Variants in FGF14 observed in about 807,000 individuals in gnomAD.
FGF14 encodes the protein fibroblast growth factor homologous factor 4.
A neutral mutation model predicts 25.5 loss-of-function variants in FGF14; 5 were observed. That is an observed-to-expected ratio of 0.20 (90% CI 0.10 to 0.41). FGF14 has a LOEUF of 0.41. FGF14 is among the 10% of genes least tolerant of loss of function. The pLI is 1.00. For missense variants in FGF14, 222 were observed against 320.1 expected (o/e 0.69, Z 2.34); for synonymous variants, 138 against 118.3 (o/e 1.17, Z -1.08).
intron 1 of FGF14, among the ~76,000 whole-genome samples, chr13:102,128,926 T>C (rs184451001): frequency 2.5e-3 from 386 of 152,080 alleles, no homozygotes; most frequent in Non-Finnish European, 4.5e-3. Context: ...CTACCAAAAA[T>C]ACAAAAATTA....
intron 1 of FGF14, among the ~76,000 whole-genome samples, chr13:102,085,256 G>A (rs905830526): frequency 1.7e-4 from 26 of 152,086 alleles, no homozygotes; most frequent in Admixed American, 1.2e-3. Context: ...GGGGGAGGGG[G>A]AGGAAGGAAG....
intron 1 of FGF14, among the ~76,000 whole-genome samples, chr13:101,971,297 G>A (rs1361131126): frequency 6.6e-6 from 1 of 152,100 alleles, no homozygotes; most frequent in Non-Finnish European, 1.5e-5. Flanking sequence ...GGGAAAAAGT[G>A]GGGATGGGAG....
rs1442638825 is a variant in FGF14 at position 101,912,160 on chromosome 13, T to C, written c.193+4293A>G. On this transcript the variant is annotated intron_variant, in intron 1 of 4. Coordinates refer to ENST00000376143, the MANE Select transcript of FGF14 (RefSeq NM_004115.4). ...ACTGGAGCAAAGCAGTTTATTTCTA[T>C]AGGTGTACATGCATTTCTGCTTTTT... is the stretch of plus-strand genomic sequence containing the variant. 1.4e-4 allele frequency among the ~76,000 whole-genome samples: 21 copies of C among 152,164 alleles called. 1 individual carries two copies. The highest frequency in any genetic ancestry group is 4.3e-4 in the African/African-American group (18 of 41,462).
intron 1 of FGF14, among the ~76,000 whole-genome samples, chr13:101,967,332 C>A (rs1209888734): frequency 6.6e-6 from 1 of 152,130 alleles, no homozygotes; most frequent in African/African-American, 2.4e-5. Context: ...ATTAAGAGAA[C>A]CACTGTCCTA....
chr13:102,143,042 C>G (rs1275046093), intron 1 of FGF14, among the ~76,000 whole-genome samples: 1 of 152,186 alleles, frequency 6.6e-6, no homozygotes, highest in Admixed American at 6.5e-5. Context: ...CTGATGCCAA[C>G]TTGAGATTCC....
chr13:101,987,753 GT>G (rs991554716), intron 1 of FGF14, among the ~76,000 whole-genome samples: 6 of 151,958 alleles, frequency 3.9e-5, no homozygotes, highest in Admixed American at 2.0e-4. Flanking sequence ...TATATAATAT[GT>G]TTTTTTAAGA....
chr13:102,321,050 G>C (rs2056223945), intron 1 of FGF14, among the ~76,000 whole-genome samples: 1 of 152,142 alleles, frequency 6.6e-6, no homozygotes. Flanking sequence ...AAAAATATTG[G>C]AATGTCTGAT....
chr13:102,281,008 A>G (rs1424791172), intron 1 of FGF14, among the ~76,000 whole-genome samples: 2 of 152,204 alleles, frequency 1.3e-5, no homozygotes, highest in African/African-American at 2.4e-5. Context: ...GTGCTTTCCA[A>G]CGTGCTTGGA....
At chr13:101,873,918 AAG>A (rs940549058) in intron 2 of FGF14, among the ~76,000 whole-genome samples, 40 of 152,212 alleles carry the variant, frequency 2.6e-4, no homozygotes, top group South Asian at 1.5e-3. Context: ...AAAAATAAAA[AAG>A]AGTGATATGA....
chr13:101,891,592 T>C (rs1353285877), intron 1 of FGF14, among the ~76,000 whole-genome samples: 1 of 152,184 alleles, frequency 6.6e-6, no homozygotes, highest in African/African-American at 2.4e-5. Context: ...TAAACATTAA[T>C]TGACATCATC....
chr13:102,389,622 C>T (rs1595034540), intron 1 of FGF14, among the ~76,000 whole-genome samples: 1 of 152,226 alleles, frequency 6.6e-6, no homozygotes, highest in East Asian at 1.9e-4. Flanking sequence ...TGTTTCCTGA[C>T]CAGGATAATA....
chr13:102,205,699 A>G (rs1238092695), intron 1 of FGF14, among the ~76,000 whole-genome samples: 1 of 151,424 alleles, frequency 6.6e-6, no homozygotes, highest in Non-Finnish European at 1.5e-5. Context: ...GAAACATGAA[A>G]GCATTTTGCC....
intron 1 of FGF14, among the ~76,000 whole-genome samples, chr13:102,062,045 A>G (rs1023401919): frequency 2.0e-5 from 3 of 152,240 alleles, no homozygotes; most frequent in Non-Finnish European, 4.4e-5. Flanking sequence ...TCACTCCACA[A>G]GGTTTATGGT....
At chr13:101,904,169 G>A (rs1043597068) in intron 1 of FGF14, among the ~76,000 whole-genome samples, 3 of 152,188 alleles carry the variant, frequency 2.0e-5, no homozygotes, top group Admixed American at 6.5e-5. Context: ...ACCTGCCCAA[G>A]TTTTCCAGCC....
intron 3 of FGF14, among the ~76,000 whole-genome samples, chr13:101,852,753 A>G (rs561592483): frequency 6.6e-6 from 1 of 152,202 alleles, no homozygotes; most frequent in Non-Finnish European, 1.5e-5. Context: ...ACAAGGACCC[A>G]TGATACCAGA....
At chr13:101,749,306 C>T (rs931457306) in intron 3 of FGF14, among the ~76,000 whole-genome samples, 3 of 151,966 alleles carry the variant, frequency 2.0e-5, no homozygotes, top group African/African-American at 4.8e-5. Flanking sequence ...GTGGTACATC[C>T]ATACCATGGA....
rs1263752749 is a variant in FGF14, at chr13:101,718,162, A to C, written c.*4669T>G. 1 of 152,150 alleles carries C rather than the reference A, an allele frequency of 6.6e-6. No homozygotes were observed. The highest frequency in any genetic ancestry group is 1.5e-5 in the Non-Finnish European group (1 of 68,018). The allele number at this position is 152,150 out of a possible 1,614,324, so 9.4% of individuals were successfully genotyped here. On this transcript the variant is annotated 3_prime_UTR_variant, in exon 5 of 5. Coordinates refer to ENST00000376143, the MANE Select transcript of FGF14 (RefSeq NM_004115.4). ...AGAAGTTAATGGTACCTAAACTCTAAGGAATGCTTTTTCTTTGAAAACAGA... is the reference window on the plus strand; with the variant it reads ...AGAAGTTAATGGTACCTAAACTCTACGGAATGCTTTTTCTTTGAAAACAGA...
chr13:102,244,768 C>T (rs912007598), intron 1 of FGF14, among the ~76,000 whole-genome samples: 2 of 152,064 alleles, frequency 1.3e-5, no homozygotes, highest in African/African-American at 4.8e-5. Context: ...AGAAACTGTG[C>T]TCCATCCCAG....
At chr13:101,997,743 G>C (rs973494502) in intron 1 of FGF14, among the ~76,000 whole-genome samples, 2 of 152,190 alleles carry the variant, frequency 1.3e-5, no homozygotes, top group Admixed American at 1.3e-4. Context: ...TGGGAGTTTA[G>C]AAGTTGCAGT....
Sources: allele counts gnomAD v4.1 joint callset (sites outside exome capture counted in the v4.1 genomes callset), GRCh38; gene constraint gnomAD v4.1.1; transcripts MANE v1.5; gene names NCBI Gene and HGNC (gene_info 2026-07-23, HGNC 2026-07-21).